The following SEMA6A variants were observed in gnomAD, a reference collection of about 807,000 sequenced individuals.
SEMA6A encodes the protein semaphorin-6A.
SEMA6A carries 25 observed loss-of-function variants against 96.8 expected under a neutral mutation model. That is an observed-to-expected ratio of 0.26 (90% CI 0.19 to 0.36). The LOEUF is 0.36. SEMA6A is among the 10% of genes least tolerant of loss of function. The probability of loss-of-function intolerance (pLI) is 1.00; values close to 1 mark genes in which losing one functional copy is unlikely to be tolerated. For synonymous variants in SEMA6A, 612 were observed against 518.0 expected (o/e 1.18, Z -2.46); for missense variants, 1,363 against 1,323.1 (o/e 1.03, Z -0.47).
At chr5:116,449,204 A>AATTCC (rs1157712607) in intron 18 of SEMA6A, 3 of 634,564 alleles carry the variant, frequency 4.7e-6, no homozygotes, top group Non-Finnish European at 8.5e-6. Context: ...CTAATACCTC[A>AATTCC]ATTCCTGCCT....
chr5:116,477,050 C>T (rs1357984472), intron 15 of SEMA6A, among the ~76,000 whole-genome samples: 1 of 152,174 alleles, frequency 6.6e-6, no homozygotes, highest in Non-Finnish European at 1.5e-5. Flanking sequence ...CCCTTTGGAT[C>T]TGAGGAGGTT....
chr5:116,509,117 G>C (rs1237074217), intron 1 of SEMA6A, among the ~76,000 whole-genome samples: 1 of 152,208 alleles, frequency 6.6e-6, no homozygotes, highest in African/African-American at 2.4e-5. Context: ...TGGAGGACTT[G>C]ACTGTATGAA....
chr5:116,467,513 G>A lies in SEMA6A; in HGVS notation c.1894+70C>T, dbSNP rs562088237. ...AAATGCTGCCAAAATTCAGCTGGAA[G>A]CAGTTACACAGTCCTCCCCACTTTT... On this transcript the variant is annotated intron_variant, in intron 18 of 18. Transcript: ENST00000343348. 3.9e-5 allele frequency: 56 copies of A among 1,446,446 alleles called. No homozygotes were observed. In the East Asian group the frequency reaches 1.3e-3, roughly 33 times the overall value. The allele number at this position is 1,446,446 out of a possible 1,614,324, so 89.6% of individuals were successfully genotyped here.
At chr5:116,457,902 G>C (rs566585791) in intron 18 of SEMA6A, among the ~76,000 whole-genome samples, 3 of 152,054 alleles carry the variant, frequency 2.0e-5, no homozygotes, top group Non-Finnish European at 2.9e-5. Flanking sequence ...TTCATCCTCT[G>C]TCTTTCCAGG....
intron 1 of SEMA6A, among the ~76,000 whole-genome samples, chr5:116,543,316 A>G (rs1362393481): frequency 6.6e-6 from 1 of 152,216 alleles, no homozygotes; most frequent in East Asian, 1.9e-4. Flanking sequence ...CCCAGTTCAG[A>G]AAAGGTTCTC....
intron 1 of SEMA6A, among the ~76,000 whole-genome samples, chr5:116,564,679 T>C (rs1431945531): frequency 6.6e-6 from 1 of 152,076 alleles, no homozygotes; most frequent in African/African-American, 2.4e-5. Flanking sequence ...CTGGAGAACA[T>C]TCTCTAATCA....
At chr5:116,470,028 G>A (rs1003671456) in intron 17 of SEMA6A, among the ~76,000 whole-genome samples, 3 of 152,296 alleles carry the variant, frequency 2.0e-5, no homozygotes, top group African/African-American at 7.2e-5. Context: ...CATGAGGTTT[G>A]TAATCTTTTA....
intron 1 of SEMA6A, among the ~76,000 whole-genome samples, chr5:116,543,240 C>T (rs1390248769): frequency 6.6e-6 from 1 of 152,124 alleles, no homozygotes; most frequent in East Asian, 1.9e-4. Flanking sequence ...AAAATTCTTA[C>T]AAGGCGCTTG....
At chr5:116,530,146 G>C (rs1303226509) in intron 1 of SEMA6A, among the ~76,000 whole-genome samples, 1 of 152,132 alleles carries the variant, frequency 6.6e-6, no homozygotes, top group Non-Finnish European at 1.5e-5. Context: ...TATCCTTGAA[G>C]ATATACTCAT....
At chr5:116,458,820 A>G (rs1439967102) in intron 18 of SEMA6A, among the ~76,000 whole-genome samples, 1 of 152,140 alleles carries the variant, frequency 6.6e-6, no homozygotes, top group African/African-American at 2.4e-5. Flanking sequence ...AATTAATTAT[A>G]TCAAATCTAC....
intron 18 of SEMA6A, among the ~76,000 whole-genome samples, chr5:116,456,868 C>T (rs143223231): frequency 2.6e-3 from 401 of 152,272 alleles, no homozygotes; most frequent in Non-Finnish European, 4.5e-3. Flanking sequence ...TATTAAGCAA[C>T]GTTTGAGAAT....
intron 1 of SEMA6A, among the ~76,000 whole-genome samples, chr5:116,565,432 A>T (rs575611818): frequency 3.3e-5 from 5 of 152,328 alleles, no homozygotes; most frequent in Non-Finnish European, 5.9e-5. Context: ...ACAGATGAAG[A>T]TCCCAGCGAC....
At chr5:116,549,235 T>C (rs1760306254) in intron 1 of SEMA6A, among the ~76,000 whole-genome samples, 3 of 152,198 alleles carry the variant, frequency 2.0e-5, no homozygotes, top group African/African-American at 2.4e-5. Context: ...AAAATTTCTC[T>C]TGGAGTCAGA....
intron 18 of SEMA6A, among the ~76,000 whole-genome samples, chr5:116,455,816 G>T (rs187826755): frequency 1.4e-4 from 21 of 152,216 alleles, no homozygotes; most frequent in African/African-American, 4.3e-4. Context: ...TAAAGACCTG[G>T]GTTTGCGTGT....
intron 18 of SEMA6A, among the ~76,000 whole-genome samples, chr5:116,454,779 T>G (rs1284241651): frequency 7.5e-6 from 1 of 133,164 alleles, no homozygotes; most frequent in East Asian, 2.3e-4. Flanking sequence ...TAAAGTTTCC[T>G]TTTCCTTTAA....
chr5:116,498,602 G>GT (rs1757727190), intron 3 of SEMA6A: 1 of 151,248 alleles, frequency 6.6e-6, no homozygotes. Flanking sequence ...GAAGGGCGTG[G>GT]TAAGGGGTGG....
At chr5:116,501,990 A>G (rs1265310587) in intron 3 of SEMA6A, among the ~76,000 whole-genome samples, 1 of 152,248 alleles carries the variant, frequency 6.6e-6, no homozygotes, top group Non-Finnish European at 1.5e-5. Flanking sequence ...TTTGAGTGTA[A>G]GTGCCCAAAT....
intron 1 of SEMA6A, among the ~76,000 whole-genome samples, chr5:116,509,935 T>C (rs1758331748): frequency 6.6e-6 from 1 of 151,786 alleles, no homozygotes; most frequent in South Asian, 2.1e-4. Flanking sequence ...AGGGCTCATT[T>C]TTCCCTCTAC....
intron 1 of SEMA6A, among the ~76,000 whole-genome samples, chr5:116,527,384 G>T (rs545397034): frequency 8.5e-5 from 13 of 152,166 alleles, no homozygotes; most frequent in African/African-American, 2.7e-4. Flanking sequence ...TGGATTTGGG[G>T]TTTGCAAAAT....
Sources: gnomAD v4.1 joint callset for allele counts (sites outside exome capture counted in the v4.1 genomes callset) on GRCh38, gnomAD v4.1.1 for gene constraint, MANE v1.5 for transcripts, NCBI Gene and HGNC (gene_info 2026-07-23, HGNC 2026-07-21) for gene names.